Variants in ANO3 observed in about 807,000 individuals in gnomAD.
ANO3 encodes the protein anoctamin 3.
Under a neutral mutation model 144.8 loss-of-function variants are expected in ANO3, and 99 were observed. That is an observed-to-expected ratio of 0.68 (90% CI 0.58 to 0.81). ANO3 has a LOEUF of 0.81. Ranked by LOEUF, ANO3 falls within the 30% of genes least tolerant of loss-of-function variation. The pLI is 0.00. For missense variants in ANO3, 905 were observed against 1,202.2 expected, an observed-to-expected ratio of 0.75 and a Z score of 3.66; for synonymous variants, 414 against 392.6, an observed-to-expected ratio of 1.05 and a Z score of -0.64.
At chr11:26,647,560 G>A (rs1853388003) in intron 23 of ANO3, 149 bp from the exon 24 acceptor site, 1 of 612,348 alleles carries the variant, frequency 1.6e-6, no homozygotes, top group Admixed American at 3.2e-5. Context: ...TAGCTATAAT[G>A]TCTGTATTGA....
At position 26,647,760 on chromosome 11, in the gene ANO3, A is replaced by G. The variant is rs781451401; in HGVS notation, c.2480A>G (p.Asn827Ser). The stretch of plus-strand genomic sequence containing the variant: ...ATCGGTATATTGGCTGTGATCACCA[A>G]TGCATTTGTAATTGCTATTACTTCT... ...EGIGILAVIT[N>S]AFVIAITSDY... Residue 827 changes from asparagine (N) to serine (S), a missense_variant, in exon 24 of 27, where the codon AAT (asparagine) becomes AGT (serine). By Grantham distance (46) the Asn-to-Ser change is conservative. Coordinates refer to ENST00000256737, the MANE Select transcript of ANO3 (RefSeq NM_031418.4). The G allele has an allele frequency of 6.2e-7, 1 of 1,612,960 alleles. No homozygotes were observed. The highest frequency in any genetic ancestry group is 8.5e-7 in the Non-Finnish European group (1 of 1,179,364).
Position 26,646,197 on chromosome 11 carries a change from A to G in ANO3, c.2429-1512A>G, listed in dbSNP as rs1446667348. 3.3e-5 allele frequency among the ~76,000 whole-genome samples: 5 copies of G among 152,254 alleles called. No homozygotes were observed. The East Asian group carries it at 9.7e-4, about 29-fold the overall frequency. On this transcript the variant is annotated intron_variant, in intron 23 of 26. Transcript: ENST00000256737. Reference sequence around the variant, plus strand: ...TCTGCATTGTTTTTTCTTCATGAACATTCTCCAGCTCAAAACATATTCATC... The same window carrying G: ...TCTGCATTGTTTTTTCTTCATGAACGTTCTCCAGCTCAAAACATATTCATC...
chr11:26,236,755 T>C (rs1264199026), intron 1 of ANO3, among the ~76,000 whole-genome samples: 1 of 149,474 alleles, frequency 6.7e-6, no homozygotes, highest in Non-Finnish European at 1.5e-5. Context: ...GAGGCAGAGC[T>C]TGCAGTGAGC....
At chr11:26,553,224 G>GTTTTTTTTT in intron 12 of ANO3, 25 bp from the exon 13 acceptor site, 11 of 1,172,124 alleles carry the variant, frequency 9.4e-6, no homozygotes, top group African/African-American at 4.5e-5. Context: ...GTTTTGTTTT[G>GTTTTTTTTT]TTTTTGTTTT....
At chr11:26,308,883 T>C (rs73441544), upstream of ANO3, among the ~76,000 whole-genome samples, 3,644 of 152,314 alleles carry the variant, frequency 0.024, 137 homozygotes, top group African/African-American at 0.083. Context: ...AAACAGCCTA[T>C]GCACATTTTT....
chr11:26,283,366 A>ATATATG (rs1263543417), intron 1 of ANO3, among the ~76,000 whole-genome samples: 2 of 117,630 alleles, frequency 1.7e-5, no homozygotes, highest in African/African-American at 3.1e-5. Flanking sequence ...ATATATATAT[A>ATATATG]GCGAGCATTT....
chr11:26,330,394 C>A (rs976211925), upstream of ANO3, among the ~76,000 whole-genome samples: 4 of 152,096 alleles, frequency 2.6e-5, no homozygotes, highest in Admixed American at 2.0e-4. Flanking sequence ...TTTAGATCTT[C>A]ATTTGGAGGT....
chr11:26,487,965 A>G (rs142176377), intron 4 of ANO3, among the ~76,000 whole-genome samples: 25 of 152,290 alleles, frequency 1.6e-4, no homozygotes, highest in Middle Eastern at 3.4e-3. Flanking sequence ...CAAGAGATTG[A>G]GACCATCCTG....
At chr11:26,564,783 A>ATG (rs1850497510) in intron 14 of ANO3, among the ~76,000 whole-genome samples, 1 of 100,696 alleles carries the variant, frequency 9.9e-6, no homozygotes, top group Non-Finnish European at 2.0e-5. Flanking sequence ...ATATATATAT[A>ATG]TAAGTTCAGT....
At chr11:26,440,636 G>C (rs534207529) in intron 1 of ANO3, among the ~76,000 whole-genome samples, 129 of 152,152 alleles carry the variant, frequency 8.5e-4, no homozygotes, top group Admixed American at 1.6e-3. Context: ...ATAAGAAGTT[G>C]TGGAAGAGAA....
At chr11:26,284,565 G>A (rs1289703796) in intron 1 of ANO3, among the ~76,000 whole-genome samples, 2 of 152,082 alleles carry the variant, frequency 1.3e-5, no homozygotes, top group Middle Eastern at 3.2e-3. Flanking sequence ...AGAAGTGGAA[G>A]AATCTAAATC....
At chr11:26,525,465 T>C (rs1219952181) in intron 6 of ANO3, among the ~76,000 whole-genome samples, 170 bp from the exon 7 acceptor site, 2 of 152,046 alleles carry the variant, frequency 1.3e-5, no homozygotes, top group African/African-American at 4.8e-5. Context: ...ATTAAAACAA[T>C]GTAAGGTTGA....
At chr11:26,462,945 A>G (rs555832869) in intron 3 of ANO3, 85 bp from the exon 4 acceptor site, 2 of 603,412 alleles carry the variant, frequency 3.3e-6, no homozygotes, top group South Asian at 3.7e-5. Context: ...CTCTGGGAAA[A>G]CATGAAAGAG....
intron 3 of ANO3, among the ~76,000 whole-genome samples, chr11:26,454,192 C>A (rs1859057403): frequency 6.6e-6 from 1 of 152,080 alleles, no homozygotes; most frequent in Non-Finnish European, 1.5e-5. Context: ...CAAACACATT[C>A]AAAAGCTAGC....
chr11:26,275,853 A>C (rs1853547593), intron 1 of ANO3, among the ~76,000 whole-genome samples: 1 of 152,150 alleles, frequency 6.6e-6, no homozygotes, highest in Non-Finnish European at 1.5e-5. Context: ...AAAGAACTTT[A>C]ATTAAATAAT....
chr11:26,630,005 C>T (rs1360570615), intron 18 of ANO3, among the ~76,000 whole-genome samples: 1 of 152,144 alleles, frequency 6.6e-6, no homozygotes, highest in African/African-American at 2.4e-5. Context: ...TTTACTTGCG[C>T]TGTCCTTGAA....
intron 1 of ANO3, among the ~76,000 whole-genome samples, chr11:26,302,483 G>T (rs1250104131): frequency 6.6e-6 from 1 of 152,106 alleles, no homozygotes; most frequent in African/African-American, 2.4e-5. Context: ...AACAGAGTGA[G>T]ACTCTGTCTC....
intron 1 of ANO3, among the ~76,000 whole-genome samples, chr11:26,313,205 CAT>C (rs1236588989): frequency 1.3e-5 from 2 of 152,110 alleles, no homozygotes; most frequent in African/African-American, 2.4e-5. Flanking sequence ...TTTCTTAGGA[CAT>C]GTGTCCATTC....
rs1348138214 is a variant in ANO3, at chr11:26,390,229, C to A, written c.47-51689C>A. Reference sequence around the variant, plus strand: ...TAGTGAAGCTTTACAAAACTATACACTCAAATTATGCCTCAAATATTTCTT... The same window carrying A: ...TAGTGAAGCTTTACAAAACTATACAATCAAATTATGCCTCAAATATTTCTT... On this transcript the variant is annotated intron_variant, in intron 1 of 26. Transcript: ENST00000256737. Among the ~76,000 whole-genome samples the A allele has an allele frequency of 2.6e-5, 4 of 152,186 alleles. 1 individual carries two copies. The highest frequency in any genetic ancestry group is 9.6e-5 in the African/African-American group (4 of 41,556).
Sources: allele counts gnomAD v4.1 joint callset (sites outside exome capture counted in the v4.1 genomes callset), GRCh38; gene constraint gnomAD v4.1.1; transcripts MANE v1.5; gene names NCBI Gene and HGNC (gene_info 2026-07-23, HGNC 2026-07-21).